The following ZNF709 variants were observed in gnomAD, a reference collection of about 807,000 sequenced individuals.
ZNF709 encodes the protein zinc finger protein 709.
ZNF709 carries 15 observed loss-of-function variants against 10.6 expected under a neutral mutation model. That is an observed-to-expected ratio of 1.41 (90% CI 0.95 to 2.18). The LOEUF is 2.18. ZNF709 is among the 30% of genes most tolerant of loss of function. The pLI is 0.00. For synonymous variants in ZNF709, 194 were observed against 238.8 expected (o/e 0.81, Z 1.73); for missense variants, 589 against 774.0 (o/e 0.76, Z 2.84).
intron 1 of ZNF709, among the ~76,000 whole-genome samples, chr19:12,470,796 G>A (rs1486177277): frequency 2.0e-5 from 3 of 151,868 alleles, no homozygotes; most frequent in African/African-American, 4.8e-5. Flanking sequence ...GTGTGATGTC[G>A]GGAGCCTGTA....
intron 1 of ZNF709, among the ~76,000 whole-genome samples, chr19:12,470,203 C>T (rs1970623021): frequency 6.6e-6 from 1 of 152,080 alleles, no homozygotes; most frequent in African/African-American, 2.4e-5. Context: ...GGCATAATTC[C>T]CCTAAATCTT....
Position 12,464,919 on chromosome 19 carries a change from G to A in ZNF709, c.1003C>T (p.Pro335Ser). 6 of 1,611,040 alleles carry A rather than the reference G, an allele frequency of 3.7e-6. No individual in the cohort carries two copies. Among genetic ancestry groups the A allele is most frequent in the Non-Finnish European group, 5.1e-6 (6 of 1,179,058 alleles). Residue 335 changes from proline to serine, a missense_variant, in exon 4 of 4, where the codon CCC (proline) becomes TCC (serine). Physicochemically the swap from Pro to Ser is moderately conservative, Grantham distance 74. This residue lies in a region of ZNF709 where 418 missense variants were observed against 496.3 expected (regional missense o/e 0.84). Transcript: ENST00000397732. ...TTCCCACATTCCTTACAATCATAGG[G>A]TTTCTCTCCTGTATGAATTCTTTCA... Reference protein sequence around the residue: ...KHERIHTGEKPYDCKECGKAF... With the variant: ...KHERIHTGEKSYDCKECGKAF...
intron 1 of ZNF709, among the ~76,000 whole-genome samples, chr19:12,480,455 G>A (rs374763066): frequency 6.6e-6 from 1 of 152,074 alleles, no homozygotes; most frequent in Non-Finnish European, 1.5e-5. Context: ...AGGCCGAGGC[G>A]GGTGGATCAT....
intron 1 of ZNF709, among the ~76,000 whole-genome samples, chr19:12,482,842 T>G (rs1970740255): frequency 6.6e-6 from 1 of 152,076 alleles, no homozygotes; most frequent in Non-Finnish European, 1.5e-5. Context: ...GGCCTTCGAT[T>G]ACATCCCTTG....
chr19:12,483,438 GC>G (rs1235026966), intron 1 of ZNF709, among the ~76,000 whole-genome samples: 1 of 151,698 alleles, frequency 6.6e-6, no homozygotes, highest in African/African-American at 2.4e-5. Context: ...ACAGGCGTGA[GC>G]CAACGCTCCT....
chr19:12,475,789 G>A (rs1410038297), intron 1 of ZNF709, among the ~76,000 whole-genome samples: 1 of 152,168 alleles, frequency 6.6e-6, no homozygotes, highest in Non-Finnish European at 1.5e-5. Flanking sequence ...CATGTGACAT[G>A]ATTGTCTAAG....
intron 1 of ZNF709, among the ~76,000 whole-genome samples, chr19:12,483,193 T>A (rs963793912): frequency 2.6e-5 from 4 of 152,086 alleles, no homozygotes; most frequent in Non-Finnish European, 5.9e-5. Context: ...CAGCCTGGAG[T>A]GCAGTGGCAT....
rs182228458 is a variant in ZNF709, at chr19:12,466,984, G to T, written c.4-134C>A. The T allele has an allele frequency of 2.3e-6, 3 of 1,289,108 alleles. No homozygotes were observed. In the East Asian group the frequency reaches 7.9e-5, roughly 34 times the overall value. The allele number at this position is 1,289,108 out of a possible 1,614,324, so 79.9% of individuals were successfully genotyped here. A position where few individuals can be genotyped will look rare whatever the true frequency, so the allele number is the denominator to read the frequency against. ...CTTTGTCATCAGAACTCAAATCTTC[G>T]TCCACACTTACTTCTTCATAAATTT... On this transcript the variant is annotated intron_variant, in intron 1 of 3. Coordinates refer to ENST00000397732, the MANE Select transcript of ZNF709 (RefSeq NM_152601.4).
chr19:12,469,095 C>T lies in ZNF709; in HGVS notation c.4-2245G>A, dbSNP rs562780934. Among the ~76,000 whole-genome samples the T allele has an allele frequency of 9.2e-5, 14 of 152,284 alleles. 1 individual carries two copies. In the South Asian group the frequency reaches 2.9e-3, roughly 32 times the overall value. On this transcript the variant is annotated intron_variant, in intron 1 of 3. Coordinates refer to ENST00000397732, the MANE Select transcript of ZNF709 (RefSeq NM_152601.4). Reference sequence around the variant, plus strand: ...GACCTCGTGATCCGCCCACCTCGGCCTCCCAAAGTGCTTGGGATTACAGGT... The same window carrying T: ...GACCTCGTGATCCGCCCACCTCGGCTTCCCAAAGTGCTTGGGATTACAGGT...
chr19:12,470,615 C>G (rs906057161), intron 1 of ZNF709, among the ~76,000 whole-genome samples: 1 of 152,134 alleles, frequency 6.6e-6, no homozygotes, highest in Non-Finnish European at 1.5e-5. Context: ...GGGACCCCGC[C>G]AACCTAAGTG....
chr19:12,473,973 G>A (rs1381722591), intron 1 of ZNF709, among the ~76,000 whole-genome samples: 1 of 152,222 alleles, frequency 6.6e-6, no homozygotes, highest in Non-Finnish European at 1.5e-5. Context: ...TTGAGCCCAG[G>A]AGTTTGAGGC....
chr19:12,466,964 T>A, intron 1 of ZNF709, 114 bp from the exon 2 acceptor site: 1 of 1,404,784 alleles, frequency 7.1e-7, no homozygotes, highest in South Asian at 1.5e-5. Flanking sequence ...TGTAACTTTG[T>A]CATCAGAACT....
At chr19:12,467,015 C>T (rs1223216166) in intron 1 of ZNF709, among the ~76,000 whole-genome samples, 165 bp from the exon 2 acceptor site, 4 of 152,216 alleles carry the variant, frequency 2.6e-5, no homozygotes, top group Admixed American at 6.5e-5. Flanking sequence ...AATTTAACAC[C>T]ACCATGAATA....
At chr19:12,484,518 G>C (rs1036718542) in intron 1 of ZNF709, 137 bp downstream of exon 1, 11 of 1,208,082 alleles carry the variant, frequency 9.1e-6, no homozygotes, top group Non-Finnish European at 1.3e-5. Context: ...ACCGAGGGCC[G>C]AGCTGCGCCA....
At chr19:12,481,043 C>G (rs1398065702) in intron 1 of ZNF709, 1 of 420,778 alleles carries the variant, frequency 2.4e-6, no homozygotes, top group Non-Finnish European at 3.2e-6. Flanking sequence ...CTCAGCCTCC[C>G]AAAGTGCTGG....
At chr19:12,471,064 C>G (rs1970631097) in intron 1 of ZNF709, among the ~76,000 whole-genome samples, 1 of 152,074 alleles carries the variant, frequency 6.6e-6, no homozygotes, top group Non-Finnish European at 1.5e-5. Context: ...TTGATCCGCC[C>G]CCCAAAAGCA....
At chr19:12,484,529 G>C (rs1337501492) in intron 1 of ZNF709, 126 bp downstream of exon 1, 1 of 1,322,754 alleles carries the variant, frequency 7.6e-7, no homozygotes, top group African/African-American at 1.5e-5. Context: ...AGCTGCGCCA[G>C]GAGGACTCGG....
At chr19:12,468,254 G>A (rs983949357) in intron 1 of ZNF709, among the ~76,000 whole-genome samples, 3 of 152,236 alleles carry the variant, frequency 2.0e-5, no homozygotes, top group Non-Finnish European at 4.4e-5. Context: ...AATAGAAAAG[G>A]GGGAAAGGTG....
chr19:12,472,212 G>A (rs374924625), intron 1 of ZNF709, among the ~76,000 whole-genome samples: 19 of 152,046 alleles, frequency 1.2e-4, no homozygotes, highest in African/African-American at 4.3e-4. Context: ...AATAAAAAGT[G>A]AACACATGAT....
Sources: gnomAD v4.1 joint callset for allele counts (sites outside exome capture counted in the v4.1 genomes callset) on GRCh38, gnomAD v4.1.1 for gene constraint, gnomAD v4.1.1 regional missense constraint, MANE v1.5 for transcripts, NCBI Gene and HGNC (gene_info 2026-07-23, HGNC 2026-07-21) for gene names.